PSD3: variants seen among roughly 807,000 people sequenced by gnomAD.
PSD3 encodes pleckstrin and Sec7 domain containing 3.
Under a neutral mutation model 105.5 loss-of-function variants are expected in PSD3, and 49 were observed. The observed-to-expected ratio is 0.46, with a 90% CI of 0.37 to 0.59. The LOEUF (loss-of-function observed/expected upper bound fraction) is 0.59. PSD3 is among the 20% of genes least tolerant of loss of function. The pLI is 0.00. For missense variants in PSD3, 1,561 were observed against 1,263.8 expected, an observed-to-expected ratio of 1.24 and a Z score of -3.57; for synonymous variants, 557 against 457.8, an observed-to-expected ratio of 1.22 and a Z score of -2.77.
chr8:18,932,765 T>C (rs1431559717), intron 2 of PSD3, among the ~76,000 whole-genome samples: 2 of 152,338 alleles, frequency 1.3e-5, no homozygotes, highest in South Asian at 2.1e-4. Flanking sequence ...CTCTCAGTGA[T>C]GATGTCTGCA....
chr8:18,961,314 C>T (rs1823901483), intron 1 of PSD3, among the ~76,000 whole-genome samples: 1 of 152,144 alleles, frequency 6.6e-6, no homozygotes, highest in Non-Finnish European at 1.5e-5. Flanking sequence ...CACAATGACA[C>T]AGCAATATAG....
chr8:19,063,344 T>C (rs978179273), intron 1 of PSD3, among the ~76,000 whole-genome samples: 1 of 152,236 alleles, frequency 6.6e-6, no homozygotes, highest in African/African-American at 2.4e-5. Context: ...TTTGAAAATA[T>C]GAAGGAATAA....
At chr8:18,778,458 G>T (rs1585948941) in intron 8 of PSD3, among the ~76,000 whole-genome samples, 1 of 152,082 alleles carries the variant, frequency 6.6e-6, no homozygotes, top group East Asian at 1.9e-4. Context: ...CATTTCTTTT[G>T]CCTGGTTACT....
intron 11 of PSD3, among the ~76,000 whole-genome samples, chr8:18,607,249 C>A (rs79769391): frequency 1.3e-5 from 2 of 152,080 alleles, no homozygotes; most frequent in Non-Finnish European, 1.5e-5. Flanking sequence ...TCTGTGCCTG[C>A]CCCCTCAGGT....
chr8:18,713,604 G>C (rs562237683), intron 9 of PSD3, among the ~76,000 whole-genome samples: 3 of 151,902 alleles, frequency 2.0e-5, no homozygotes, highest in African/African-American at 2.4e-5. Context: ...CAAGGAGAAC[G>C]ACAAACCTCT....
At chr8:18,765,609 A>C in intron 8 of PSD3, 71 bp from the exon 9 acceptor site, 5 of 1,241,886 alleles carry the variant, frequency 4.0e-6, no homozygotes, top group Non-Finnish European at 5.9e-6. Context: ...ATATATGATG[A>C]GGCAGACCAA....
At chr8:18,671,683 A>ACTGC in intron 9 of PSD3, among the ~76,000 whole-genome samples, 1 of 150,282 alleles carries the variant, frequency 6.7e-6, no homozygotes, top group Non-Finnish European at 1.5e-5. Context: ...CCCAGGCTGG[A>ACTGC]GGGCAGTGCG....
At chr8:18,994,890 T>G (rs1025668507) in intron 1 of PSD3, among the ~76,000 whole-genome samples, 1 of 150,860 alleles carries the variant, frequency 6.6e-6, no homozygotes, top group African/African-American at 2.4e-5. Flanking sequence ...ATTTTCAGAG[T>G]TCAGATAATT....
rs545662739 is a variant in PSD3, at chr8:18,632,903, G to C, written c.2217-97C>G. 4 of 951,224 alleles carry C rather than the reference G, an allele frequency of 4.2e-6. No individual in the cohort carries two copies. The East Asian group carries it at 8.0e-5, about 19-fold the overall frequency. 58.9% of individuals were successfully genotyped at this position (951,224 alleles called of 1,614,324 possible). ...TAAAAAACTACATTGTATTCCAATGGTGTATCACTTTTTATAACCACCACC... is the reference window on the plus strand; with the variant it reads ...TAAAAAACTACATTGTATTCCAATGCTGTATCACTTTTTATAACCACCACC... On this transcript the variant is annotated intron_variant, in intron 10 of 15. Transcript: ENST00000327040.
chr8:19,047,236 T>A (rs1828352521), intron 1 of PSD3, among the ~76,000 whole-genome samples: 2 of 152,144 alleles, frequency 1.3e-5, no homozygotes, highest in Non-Finnish European at 2.9e-5. Context: ...AGCCTGGAGG[T>A]CCCTCTCTAA....
At chr8:18,627,878 A>T (rs1185776475) in intron 11 of PSD3, among the ~76,000 whole-genome samples, 1 of 152,010 alleles carries the variant, frequency 6.6e-6, no homozygotes, top group African/African-American at 2.4e-5. Context: ...AACGACAGAA[A>T]GGAAGGTTAT....
At chr8:18,713,931 G>A (rs996455774) in intron 9 of PSD3, among the ~76,000 whole-genome samples, 28 of 152,088 alleles carry the variant, frequency 1.8e-4, no homozygotes, top group African/African-American at 6.5e-4. Context: ...ACAAAAAACA[G>A]ACACATAGAC....
At chr8:18,967,317 G>A (rs938975575) in intron 1 of PSD3, among the ~76,000 whole-genome samples, 6 of 151,942 alleles carry the variant, frequency 3.9e-5, no homozygotes, top group Admixed American at 2.0e-4. Context: ...CACCATGCCC[G>A]GCTAATTTTG....
chr8:18,743,782 A>G (rs1174766569), intron 9 of PSD3, among the ~76,000 whole-genome samples: 2 of 151,956 alleles, frequency 1.3e-5, no homozygotes, highest in East Asian at 3.9e-4. Flanking sequence ...ATTAAAAAAA[A>G]AAAAAAAAGA....
At chr8:18,796,690 G>T (rs753239433) in intron 8 of PSD3, among the ~76,000 whole-genome samples, 2 of 152,142 alleles carry the variant, frequency 1.3e-5, no homozygotes, top group Non-Finnish European at 2.9e-5. Context: ...CCTCATAGGG[G>T]AGTCACCCCT....
intron 9 of PSD3, among the ~76,000 whole-genome samples, chr8:18,656,107 G>T (rs1808873819): frequency 6.6e-6 from 1 of 152,080 alleles, no homozygotes; most frequent in Non-Finnish European, 1.5e-5. Context: ...GCCCAGGCTG[G>T]AGTGCAACGG....
chr8:18,817,874 G>T (rs1812345255), intron 4 of PSD3, among the ~76,000 whole-genome samples: 1 of 152,152 alleles, frequency 6.6e-6, no homozygotes, highest in Non-Finnish European at 1.5e-5. Context: ...AAGAGGGGAA[G>T]GTCTTCAGCT....
intron 14 of PSD3, among the ~76,000 whole-genome samples, chr8:18,562,966 T>C (rs1261641110): frequency 6.6e-6 from 1 of 152,062 alleles, no homozygotes; most frequent in African/African-American, 2.4e-5. Flanking sequence ...AAACCTATGT[T>C]ACTCTAGATC....
chr8:18,697,874 T>C (rs1482865848), intron 9 of PSD3, among the ~76,000 whole-genome samples: 1 of 152,222 alleles, frequency 6.6e-6, no homozygotes, highest in South Asian at 2.1e-4. Flanking sequence ...ATTTCATCGT[T>C]GCATCACTTT....
Sources: gnomAD v4.1 joint callset for allele counts (sites outside exome capture counted in the v4.1 genomes callset) on GRCh38, gnomAD v4.1.1 for gene constraint, MANE v1.5 for transcripts, NCBI Gene and HGNC (gene_info 2026-07-23, HGNC 2026-07-21) for gene names.